LIMS1: variants seen among roughly 807,000 people sequenced by gnomAD.
LIMS1 encodes LIM and senescent cell antigen-like-containing domain protein 1.
In LIMS1, 18 loss-of-function variants were observed where a neutral mutation model predicts 44.1. The ratio of observed to expected loss-of-function variants is 0.41; its 90% confidence interval spans 0.28 to 0.61. The LOEUF (loss-of-function observed/expected upper bound fraction) is 0.61. LIMS1 is among the 20% of genes least tolerant of loss of function. LIMS1 has a pLI of 0.32. For synonymous variants in LIMS1, 93 were observed against 149.1 expected, an observed-to-expected ratio of 0.62 and a Z score of 2.74; for missense variants, 201 against 422.0, an observed-to-expected ratio of 0.48 and a Z score of 4.59.
intron 1 of LIMS1, among the ~76,000 whole-genome samples, chr2:108,561,965 AT>A (rs1488137471): frequency 6.6e-6 from 1 of 151,912 alleles, no homozygotes; most frequent in Non-Finnish European, 1.5e-5. Context: ...AATGGTCTCA[AT>A]CTCTTGACCT....
At chr2:108,589,358 CTT>C (rs1686264229) in intron 1 of LIMS1, among the ~76,000 whole-genome samples, 1 of 152,238 alleles carries the variant, frequency 6.6e-6, no homozygotes, top group African/African-American at 2.4e-5. Context: ...TTAAAATCCT[CTT>C]GAGGTATTTT....
At chr2:108,534,366 C>G in exon 1 of LIMS1, 1 of 268,442 alleles carries the variant, frequency 3.7e-6, no homozygotes, top group Non-Finnish European at 6.8e-6. Context: ...GCCGCTCCCG[C>G]CCCTCCCCCG....
At position 108,597,054 on chromosome 2, in the gene LIMS1, A is replaced by G. The variant is rs1308748369; in HGVS notation, c.32+62460A>G. Among the ~76,000 whole-genome samples the G allele has an allele frequency of 1.2e-4, 18 of 148,622 alleles. 1 individual carries two copies. Among genetic ancestry groups the G allele is most frequent in the East Asian group, 1.0e-3 (5 of 4,826 alleles). The stretch of plus-strand genomic sequence containing the variant: ...CTCCCGAGAAGCTGGGATTACAGGC[A>G]CGTACCACCACACCCAGCTGATTTT... On this transcript the variant is annotated intron_variant, in intron 1 of 9. Coordinates refer to ENST00000544547, the Ensembl canonical transcript of LIMS1.
intron 1 of LIMS1, among the ~76,000 whole-genome samples, chr2:108,585,604 G>A (rs1686068163): frequency 6.6e-6 from 1 of 152,146 alleles, no homozygotes; most frequent in African/African-American, 2.4e-5. Context: ...CAGGGAGAAT[G>A]TGCGCAATGA....
intron 1 of LIMS1, among the ~76,000 whole-genome samples, chr2:108,557,145 A>G (rs1209133263): frequency 6.6e-6 from 1 of 152,054 alleles, no homozygotes; most frequent in Admixed American, 6.6e-5. Context: ...TAGAGCCATC[A>G]CAGCTCACTG....
At chr2:108,614,591 A>G (rs1687833255) in intron 1 of LIMS1, among the ~76,000 whole-genome samples, 1 of 152,188 alleles carries the variant, frequency 6.6e-6, no homozygotes, top group Non-Finnish European at 1.5e-5. Flanking sequence ...TTTTGTCTTT[A>G]GGGCTAGATA....
At chr2:108,593,534 G>T (rs1449587638) in intron 1 of LIMS1, among the ~76,000 whole-genome samples, 2 of 152,196 alleles carry the variant, frequency 1.3e-5, no homozygotes, top group East Asian at 3.8e-4. Context: ...CCAGATGCTA[G>T]ATTACGTCAA....
intron 1 of LIMS1, among the ~76,000 whole-genome samples, chr2:108,574,497 G>T (rs1419904034): frequency 3.3e-5 from 5 of 152,054 alleles, no homozygotes; most frequent in African/African-American, 1.2e-4. Context: ...TTCACTCGAG[G>T]TCATGGCTCC....
At chr2:108,675,771 G>A (rs1291687475) in intron 5 of LIMS1, 107 bp from the exon 6 acceptor site, 55 of 1,388,212 alleles carry the variant, frequency 4.0e-5, no homozygotes, top group Non-Finnish European at 5.5e-5. Flanking sequence ...AAATTTGCAG[G>A]GATTGTCATA....
intron 1 of LIMS1, among the ~76,000 whole-genome samples, chr2:108,543,245 A>G (rs1047064276): frequency 1.3e-5 from 2 of 152,102 alleles, no homozygotes; most frequent in African/African-American, 4.8e-5. Context: ...AGCCTGGGCA[A>G]CATAGTGGTA....
intron 1 of LIMS1, among the ~76,000 whole-genome samples, chr2:108,624,397 A>G (rs775411836): frequency 2.0e-5 from 3 of 152,240 alleles, no homozygotes; most frequent in Admixed American, 6.5e-5. Context: ...GAAGGGATCT[A>G]TAAATAACTG....
intron 1 of LIMS1, among the ~76,000 whole-genome samples, chr2:108,580,281 C>G (rs891028109): frequency 2.6e-5 from 4 of 152,150 alleles, no homozygotes; most frequent in Non-Finnish European, 4.4e-5. Flanking sequence ...ACTCAGATTT[C>G]TAGTCTTTGA....
chr2:108,669,164 T>C (rs1190989149), intron 2 of LIMS1, among the ~76,000 whole-genome samples: 4 of 152,206 alleles, frequency 2.6e-5, no homozygotes, highest in African/African-American at 7.2e-5. Flanking sequence ...CCCAGCACTT[T>C]GGGAGGCCAA....
intron 1 of LIMS1, among the ~76,000 whole-genome samples, chr2:108,602,491 A>T (rs1687067392): frequency 1.3e-5 from 2 of 152,170 alleles, no homozygotes; most frequent in South Asian, 4.1e-4. Flanking sequence ...AGGGTTTTTT[A>T]AAATCATGAA....
At chr2:108,601,593 G>A (rs972539929) in intron 1 of LIMS1, among the ~76,000 whole-genome samples, 38 of 152,214 alleles carry the variant, frequency 2.5e-4, no homozygotes, top group Non-Finnish European at 5.3e-4. Flanking sequence ...CACTCAACCT[G>A]TTTCAGGACT....
intron 1 of LIMS1, among the ~76,000 whole-genome samples, chr2:108,575,244 AG>A (rs1469273209): frequency 6.6e-6 from 1 of 151,282 alleles, no homozygotes. Context: ...GGGGTTTTTC[AG>A]CTTGGGGTTA....
At chr2:108,589,942 T>A (rs1306903277) in intron 1 of LIMS1, among the ~76,000 whole-genome samples, 1 of 152,204 alleles carries the variant, frequency 6.6e-6, no homozygotes, top group East Asian at 1.9e-4. Context: ...TGGAGAATGT[T>A]CCATGTGCAC....
At chr2:108,618,519 T>G (rs1688050913) in intron 1 of LIMS1, among the ~76,000 whole-genome samples, 2 of 152,048 alleles carry the variant, frequency 1.3e-5, no homozygotes, top group Non-Finnish European at 2.9e-5. Flanking sequence ...TCTCTCTCTC[T>G]ATCTTCAGTG....
chr2:108,638,486 G>A (rs923301414), intron 1 of LIMS1, among the ~76,000 whole-genome samples: 3 of 152,192 alleles, frequency 2.0e-5, no homozygotes, highest in Non-Finnish European at 2.9e-5. Context: ...GTTCACGCCT[G>A]TAACCCCAGC....
Sources: gnomAD v4.1 joint callset for allele counts (sites outside exome capture counted in the v4.1 genomes callset) on GRCh38, gnomAD v4.1.1 for gene constraint, MANE v1.5 for transcripts, NCBI Gene and HGNC (gene_info 2026-07-23, HGNC 2026-07-21) for gene names.